RNF169: variants seen among roughly 807,000 people sequenced by gnomAD.
RNF169 encodes the protein E3 ubiquitin-protein ligase RNF169.
In RNF169, 24 loss-of-function variants were observed where a neutral mutation model predicts 53.9. That is an observed-to-expected ratio of 0.45 (90% CI 0.32 to 0.63). The LOEUF (loss-of-function observed/expected upper bound fraction) is 0.63, where lower values mean the gene tolerates loss of function less well. Ranked by LOEUF, RNF169 falls within the 20% of genes least tolerant of loss-of-function variation. RNF169 has a pLI of 0.04. For missense variants in RNF169, 883 were observed against 906.2 expected (o/e 0.97, Z 0.33); for synonymous variants, 396 against 363.5 (o/e 1.09, Z -1.02).
At chr11:74,834,550 T>C (rs1008466888) in intron 4 of RNF169, 126 bp from the exon 5 acceptor site, 13 of 533,138 alleles carry the variant, frequency 2.4e-5, no homozygotes, top group Non-Finnish European at 3.9e-5. Flanking sequence ...TCATTTTCTA[T>C]TGTAGCTGCC....
At chr11:74,768,622 A>G (rs955883235) in intron 1 of RNF169, among the ~76,000 whole-genome samples, 2 of 151,668 alleles carry the variant, frequency 1.3e-5, no homozygotes, top group Non-Finnish European at 2.9e-5. Flanking sequence ...AAAAAAAAAA[A>G]GGTTGTAAAT....
chr11:74,752,963 T>A lies in RNF169; in HGVS notation c.502+3581T>A, dbSNP rs575499308. Reference sequence around the variant, plus strand: ...ATCTGAACCATTGTTTTATTTTATTTATTAATTAATTAATTTATTTTTTGA... The same window carrying A: ...ATCTGAACCATTGTTTTATTTTATTAATTAATTAATTAATTTATTTTTTGA... On this transcript the variant is annotated intron_variant, in intron 1 of 5. Coordinates refer to ENST00000299563, the MANE Select transcript of RNF169 (RefSeq NM_001098638.2). 4.6e-4 allele frequency among the ~76,000 whole-genome samples: 70 copies of A among 152,310 alleles called. 1 individual carries two copies. Among genetic ancestry groups the A allele is most frequent in the Admixed American group, 1.4e-3 (22 of 15,302 alleles).
chr11:74,797,508 CTGTT>C (rs748932388), intron 2 of RNF169, among the ~76,000 whole-genome samples: 2 of 152,118 alleles, frequency 1.3e-5, no homozygotes, highest in Non-Finnish European at 1.5e-5. Flanking sequence ...CAAGATAGAT[CTGTT>C]TGTTTTAGTC....
intron 2 of RNF169, among the ~76,000 whole-genome samples, chr11:74,804,502 C>T (rs1249906744): frequency 2.6e-5 from 4 of 152,148 alleles, no homozygotes; most frequent in Non-Finnish European, 5.9e-5. Flanking sequence ...TCTTTGCAAA[C>T]ATGTATTCTT....
intron 1 of RNF169, among the ~76,000 whole-genome samples, chr11:74,758,884 G>A (rs1226735492): frequency 6.7e-6 from 1 of 149,228 alleles, no homozygotes; most frequent in Non-Finnish European, 1.5e-5. Flanking sequence ...CATTGAATCT[G>A]TAAATTACCT....
At chr11:74,749,408 G>A (rs2034848728) in intron 1 of RNF169, 26 bp downstream of exon 1, 1 of 1,241,952 alleles carries the variant, frequency 8.1e-7, no homozygotes, top group Non-Finnish European at 1.0e-6. Context: ...TTCCCCTTAG[G>A]GTCTGGAGCG....
intron 1 of RNF169, among the ~76,000 whole-genome samples, chr11:74,767,854 T>C (rs2035198553): frequency 6.6e-6 from 1 of 152,112 alleles, no homozygotes; most frequent in African/African-American, 2.4e-5. Context: ...TTTTATTTTT[T>C]AAAAATAGAG....
rs955163401 is a variant in RNF169 at position 74,838,131 on chromosome 11, A to G, written c.*1401A>G. ...ATTTCTGGAACTGTCTTCAAAGACTAGAAACACTGACTCCCAAAATGCTAG... is the reference window on the plus strand; with the variant it reads ...ATTTCTGGAACTGTCTTCAAAGACTGGAAACACTGACTCCCAAAATGCTAG... On this transcript the variant is annotated 3_prime_UTR_variant, in exon 6 of 6. Coordinates refer to ENST00000299563, the MANE Select transcript of RNF169 (RefSeq NM_001098638.2). 5 of 152,194 alleles carry G rather than the reference A, an allele frequency of 3.3e-5. No homozygotes were observed. Among genetic ancestry groups the G allele is most frequent in the Non-Finnish European group, 7.3e-5 (5 of 68,032 alleles). 9.4% of individuals were successfully genotyped at this position (152,194 alleles called of 1,614,324 possible). A position where few individuals can be genotyped will look rare whatever the true frequency, so the allele number is the denominator to read the frequency against.
intron 4 of RNF169, among the ~76,000 whole-genome samples, chr11:74,825,806 C>G (rs532540961): frequency 4.0e-4 from 61 of 152,274 alleles, no homozygotes; most frequent in South Asian, 1.0e-3. Context: ...CTGTCATGAC[C>G]AAGTAGGCTC....
At chr11:74,765,436 A>G (rs2035157811) in intron 1 of RNF169, among the ~76,000 whole-genome samples, 1 of 152,248 alleles carries the variant, frequency 6.6e-6, no homozygotes, top group African/African-American at 2.4e-5. Flanking sequence ...ATTAATAGTG[A>G]AAATATAACC....
intron 1 of RNF169, among the ~76,000 whole-genome samples, chr11:74,753,483 A>C (rs1001881685): frequency 6.6e-6 from 1 of 152,240 alleles, no homozygotes; most frequent in African/African-American, 2.4e-5. Context: ...TTATGAGTGG[A>C]AACAGCAACA....
At chr11:74,800,080 C>A (rs2035708471) in intron 2 of RNF169, among the ~76,000 whole-genome samples, 1 of 150,634 alleles carries the variant, frequency 6.6e-6, no homozygotes, top group African/African-American at 2.4e-5. Context: ...AATATTTTCC[C>A]TAAATCCAAA....
intron 4 of RNF169, among the ~76,000 whole-genome samples, chr11:74,828,600 A>G (rs1387050844): frequency 6.6e-6 from 1 of 152,240 alleles, no homozygotes; most frequent in African/African-American, 2.4e-5. Flanking sequence ...AAACTATACT[A>G]CAATGCTACT....
At chr11:74,781,618 CT>C (rs1177030512) in intron 1 of RNF169, among the ~76,000 whole-genome samples, 1 of 152,138 alleles carries the variant, frequency 6.6e-6, no homozygotes, top group Non-Finnish European at 1.5e-5. Context: ...TCTTATGAAA[CT>C]TTTTGTTCTT....
At chr11:74,823,864 A>G (rs2036054137) in intron 4 of RNF169, among the ~76,000 whole-genome samples, 1 of 152,196 alleles carries the variant, frequency 6.6e-6, no homozygotes, top group African/African-American at 2.4e-5. Flanking sequence ...ATGACAAAAA[A>G]TAGACTTTAT....
At chr11:74,827,765 C>T (rs190295406) in intron 4 of RNF169, among the ~76,000 whole-genome samples, 13 of 152,184 alleles carry the variant, frequency 8.5e-5, no homozygotes, top group East Asian at 7.7e-4. Flanking sequence ...AAATGGCCTT[C>T]GATAAAATTC....
rs140877591 is a variant in RNF169 at position 74,776,949 on chromosome 11, T to C, written c.503-12677T>C. ...GCAGATTGGGTCCTGTTTACAAATC[T>C]TGGAGGCAGTGGGAAGCCAATAAAA... On this transcript the variant is annotated intron_variant, in intron 1 of 5. Transcript: ENST00000299563. 1.8e-4 allele frequency among the ~76,000 whole-genome samples: 28 copies of C among 152,218 alleles called. No homozygotes were observed. The East Asian group carries it at 4.8e-3, about 26-fold the overall frequency.
Position 74,772,064 on chromosome 11 carries a change from T to C in RNF169, c.503-17562T>C, listed in dbSNP as rs563370519. On this transcript the variant is annotated intron_variant, in intron 1 of 5. Transcript: ENST00000299563. Reference sequence around the variant, plus strand: ...ATTCTGTATTCAGCATTGTGGAAAATGCTTTGATGTATAAACTAGTCTGGA... The same window carrying C: ...ATTCTGTATTCAGCATTGTGGAAAACGCTTTGATGTATAAACTAGTCTGGA... Among the ~76,000 whole-genome samples, 623 of 152,306 alleles carry C rather than the reference T, an allele frequency of 4.1e-3. 2 individuals carry two copies. The highest frequency in any genetic ancestry group is 5.9e-3 in the Non-Finnish European group (403 of 68,010).
At chr11:74,752,505 G>A (rs1473226212) in intron 1 of RNF169, among the ~76,000 whole-genome samples, 1 of 151,610 alleles carries the variant, frequency 6.6e-6, no homozygotes, top group Non-Finnish European at 1.5e-5. Flanking sequence ...GCTGAGGCAG[G>A]AGACTCGCTT....
Sources: allele counts gnomAD v4.1 joint callset (sites outside exome capture counted in the v4.1 genomes callset), GRCh38; gene constraint gnomAD v4.1.1; transcripts MANE v1.5; gene names NCBI Gene and HGNC (gene_info 2026-07-23, HGNC 2026-07-21).